The following CCDC148 variants were observed in gnomAD, a reference collection of about 807,000 sequenced individuals.
CCDC148 encodes the protein coiled-coil domain-containing protein 148.
Under a neutral mutation model 85.7 loss-of-function variants are expected in CCDC148, and 89 were observed. That is an observed-to-expected ratio of 1.04 (90% CI 0.87 to 1.24). The LOEUF (loss-of-function observed/expected upper bound fraction) is 1.24, where lower values mean the gene tolerates loss of function less well. Ranked by LOEUF, CCDC148 falls within the 50% of genes most tolerant of loss-of-function variation. The pLI is 0.00. For missense variants in CCDC148, 692 were observed against 671.7 expected (o/e 1.03, Z -0.33); for synonymous variants, 230 against 213.9 (o/e 1.08, Z -0.66).
intron 11 of CCDC148, among the ~76,000 whole-genome samples, chr2:158,189,161 C>T (rs1415109377): frequency 6.6e-6 from 1 of 151,866 alleles, no homozygotes; most frequent in Admixed American, 6.6e-5. Context: ...GTACTCAGTA[C>T]ACAGGTACTG....
chr2:158,182,988 A>G (rs1431868527), intron 11 of CCDC148, among the ~76,000 whole-genome samples: 1 of 152,162 alleles, frequency 6.6e-6, no homozygotes, highest in African/African-American at 2.4e-5. Flanking sequence ...ATGAAAGTCA[A>G]TGTCAGGAAG....
chr2:158,305,758 A>T (rs1459154803), intron 9 of CCDC148, among the ~76,000 whole-genome samples: 1 of 52,178 alleles, frequency 1.9e-5, no homozygotes, highest in Non-Finnish European at 4.8e-5. Context: ...TGTCTCTTAA[A>T]AAAAAAAAAA....
chr2:158,431,841 G>C (rs1351241144), intron 1 of CCDC148, among the ~76,000 whole-genome samples: 1 of 152,072 alleles, frequency 6.6e-6, no homozygotes, highest in African/African-American at 2.4e-5. Flanking sequence ...GTGTGGCTGA[G>C]GCACAAGGAT....
intron 9 of CCDC148, among the ~76,000 whole-genome samples, chr2:158,277,716 C>G (rs1000740113): frequency 6.6e-6 from 1 of 152,142 alleles, no homozygotes; most frequent in Admixed American, 6.5e-5. Context: ...CCTGCCTCAG[C>G]CTCCCGAGTA....
intron 1 of CCDC148, among the ~76,000 whole-genome samples, chr2:158,363,432 C>G (rs922176958): frequency 2.6e-5 from 4 of 152,028 alleles, no homozygotes; most frequent in Non-Finnish European, 5.9e-5. Flanking sequence ...ACTGGCAAAC[C>G]AAATCCAGCA....
intron 11 of CCDC148, among the ~76,000 whole-genome samples, chr2:158,180,214 C>A (rs185997980): frequency 1.3e-5 from 2 of 152,208 alleles, no homozygotes; most frequent in East Asian, 1.9e-4. Flanking sequence ...TTCACTAGAC[C>A]TTTTACATTC....
intron 11 of CCDC148, among the ~76,000 whole-genome samples, chr2:158,193,704 T>C (rs1400240896): frequency 6.6e-6 from 1 of 152,058 alleles, no homozygotes; most frequent in Non-Finnish European, 1.5e-5. Flanking sequence ...ACATTATAAA[T>C]GCAAGAACAT....
chr2:158,305,428 T>C (rs1340761400), intron 9 of CCDC148, among the ~76,000 whole-genome samples: 2 of 152,038 alleles, frequency 1.3e-5, no homozygotes, highest in Non-Finnish European at 2.9e-5. Flanking sequence ...AAGTGTCTAG[T>C]AACAATCTAG....
chr2:158,324,413 T>C (rs1692667878), intron 7 of CCDC148, among the ~76,000 whole-genome samples: 1 of 152,160 alleles, frequency 6.6e-6, no homozygotes, highest in Non-Finnish European at 1.5e-5. Flanking sequence ...CTTTATATAA[T>C]CATTAATGTC....
chr2:158,356,928 G>A lies in CCDC148; in HGVS notation c.147+1521C>T, dbSNP rs1300480646. ...AAAAAATGATGAGTTCATGTCCTTT[G>A]TAGGGACATGGATGAAATTGGAAAA... On this transcript the variant is annotated intron_variant, in intron 2 of 13. Transcript: ENST00000283233. Among the ~76,000 whole-genome samples the A allele has an allele frequency of 2.7e-5, 4 of 145,708 alleles. No homozygotes were observed. In the Admixed American group the frequency reaches 2.8e-4, roughly 10 times the overall value.
intron 9 of CCDC148, among the ~76,000 whole-genome samples, chr2:158,266,908 A>ATATATATG (rs769425463): frequency 0.081 from 6,382 of 79,268 alleles, 206 homozygotes; most frequent in Non-Finnish European, 0.15. Context: ...ATATATATAC[A>ATATATATG]CACACATATA....
intron 9 of CCDC148, among the ~76,000 whole-genome samples, chr2:158,254,709 A>G (rs1688939517): frequency 6.6e-6 from 1 of 151,618 alleles, no homozygotes. Flanking sequence ...ATTTTAATGA[A>G]AATAAGTTAG....
chr2:158,388,274 A>C (rs775207956), intron 1 of CCDC148, among the ~76,000 whole-genome samples: 2 of 152,128 alleles, frequency 1.3e-5, no homozygotes, highest in Non-Finnish European at 2.9e-5. Context: ...ATATTCATCA[A>C]ATTAATGAAA....
In CCDC148 at chr2:158,203,093, T is replaced by C. The variant is rs553399276; in HGVS notation, c.1370+17502A>G. Among the ~76,000 whole-genome samples, 20 of 152,300 alleles carry C rather than the reference T, an allele frequency of 1.3e-4. No individual in the cohort carries two copies. In the South Asian group the frequency reaches 4.1e-3, roughly 32 times the overall value. ...GTAATCAGTGTGATTGGAGTCATAATGAAAGTAATGGTAACTGGAACCTTG... is the reference window on the plus strand; with the variant it reads ...GTAATCAGTGTGATTGGAGTCATAACGAAAGTAATGGTAACTGGAACCTTG... On this transcript the variant is annotated intron_variant, in intron 11 of 13. Coordinates refer to ENST00000283233, the MANE Select transcript of CCDC148 (RefSeq NM_138803.4).
chr2:158,180,136 T>G (rs1006678258), intron 11 of CCDC148, among the ~76,000 whole-genome samples: 3 of 152,196 alleles, frequency 2.0e-5, no homozygotes, highest in Non-Finnish European at 4.4e-5. Context: ...TAGCTTTCTC[T>G]GTGGCATCAG....
At chr2:158,443,515 A>AAAAAAAAAAAAAGAAAAG (rs1553524474) in intron 1 of CCDC148, among the ~76,000 whole-genome samples, 167 of 100,778 alleles carry the variant, frequency 1.7e-3, no homozygotes, top group East Asian at 2.7e-3. Context: ...AAAAAAAAAA[A>AAAAAAAAAAAAAGAAAAG]AAAAAAAAGA....
chr2:158,211,782 C>A (rs1172127064), intron 11 of CCDC148, among the ~76,000 whole-genome samples: 1 of 152,202 alleles, frequency 6.6e-6, no homozygotes, highest in Non-Finnish European at 1.5e-5. Flanking sequence ...CATCTCTGCC[C>A]AGCTGGTGCT....
At chr2:158,302,195 A>G (rs1212837168) in intron 9 of CCDC148, among the ~76,000 whole-genome samples, 2 of 152,166 alleles carry the variant, frequency 1.3e-5, no homozygotes, top group African/African-American at 4.8e-5. Context: ...AAGAGACAGA[A>G]AGGCATAGGG....
chr2:158,284,503 A>G (rs148330667), intron 9 of CCDC148, among the ~76,000 whole-genome samples: 133 of 152,286 alleles, frequency 8.7e-4, no homozygotes, highest in African/African-American at 3.0e-3. Context: ...ACTGAGGGTA[A>G]GCACTGGGGC....
Sources: allele counts gnomAD v4.1 joint callset (sites outside exome capture counted in the v4.1 genomes callset), GRCh38; gene constraint gnomAD v4.1.1; transcripts MANE v1.5; gene names NCBI Gene and HGNC (gene_info 2026-07-23, HGNC 2026-07-21).